The following PRKCE variants were observed in gnomAD, a reference collection of about 807,000 sequenced individuals.
PRKCE encodes the protein protein kinase C epsilon type.
Under a neutral mutation model 85.4 loss-of-function variants are expected in PRKCE, and 16 were observed. The observed-to-expected ratio is 0.19, with a 90% CI of 0.13 to 0.28. The LOEUF is 0.28. Among genes scored for constraint, PRKCE ranks in the 10% least tolerant of loss-of-function variants. PRKCE has a pLI of 1.00. For missense variants in PRKCE, 573 were observed against 975.2 expected (o/e 0.59, Z 5.49); for synonymous variants, 388 against 371.5 (o/e 1.04, Z -0.51).
chr2:45,996,346 C>CT (rs1704215600), intron 6 of PRKCE, among the ~76,000 whole-genome samples: 1 of 152,042 alleles, frequency 6.6e-6, no homozygotes, highest in Non-Finnish European at 1.5e-5. Flanking sequence ...AATCAGTATA[C>CT]TTTTTATTTC....
intron 1 of PRKCE, among the ~76,000 whole-genome samples, chr2:45,823,266 A>G (rs954841524): frequency 4.6e-5 from 7 of 152,214 alleles, no homozygotes; most frequent in Admixed American, 2.0e-4. Context: ...TGCTACTTCA[A>G]ACGACACACC....
chr2:45,740,855 A>G (rs1372704847), intron 1 of PRKCE, among the ~76,000 whole-genome samples: 1 of 152,260 alleles, frequency 6.6e-6, no homozygotes, highest in Non-Finnish European at 1.5e-5. Flanking sequence ...ACTGTATAAC[A>G]TGCAGATTAC....
intron 1 of PRKCE, among the ~76,000 whole-genome samples, chr2:45,783,952 G>T (rs1686393114): frequency 6.6e-6 from 1 of 152,344 alleles, no homozygotes; most frequent in African/African-American, 2.4e-5. Context: ...TCCAGGCCAT[G>T]ACTTCGAACT....
chr2:45,771,431 C>T (rs565995337), intron 1 of PRKCE, among the ~76,000 whole-genome samples: 6 of 152,240 alleles, frequency 3.9e-5, no homozygotes, highest in East Asian at 3.9e-4. Context: ...CCCTCTCCAG[C>T]GGGTGGAGAT....
chr2:46,146,136 A>G (rs1020445), intron 12 of PRKCE, among the ~76,000 whole-genome samples: 42,655 of 152,184 alleles, frequency 0.28, 6,255 homozygotes, highest in Middle Eastern at 0.36. Flanking sequence ...TGTTTTGCTC[A>G]GCATGAAGTG....
intron 11 of PRKCE, among the ~76,000 whole-genome samples, chr2:46,097,291 G>T (rs1050465340): frequency 7.9e-5 from 12 of 152,070 alleles, no homozygotes; most frequent in Admixed American, 7.2e-4. Context: ...GGCCGAGGTG[G>T]GTGGATCACA....
rs754754263 is a variant in PRKCE at position 45,774,885 on chromosome 2, C to T, written c.349-68115C>T. Among the ~76,000 whole-genome samples, 7 of 150,730 alleles carry T rather than the reference C, an allele frequency of 4.6e-5. No individual in the cohort carries two copies. The highest frequency in any genetic ancestry group is 7.3e-5 in the African/African-American group (3 of 41,378). On this transcript the variant is annotated intron_variant, in intron 1 of 14. Coordinates refer to ENST00000306156, the MANE Select transcript of PRKCE (RefSeq NM_005400.3). The surrounding 1 kb of genome is among the most constrained non-coding windows in gnomAD (Gnocchi z 4.3). ...CCAAGTCCAGGGTATCACTGTGACC[C>T]GAGGAAGCCCAGTGACACGGTCCCA...
intron 11 of PRKCE, among the ~76,000 whole-genome samples, chr2:46,097,915 AGAG>A (rs1459472357): frequency 1.3e-5 from 2 of 152,132 alleles, no homozygotes; most frequent in Non-Finnish European, 2.9e-5. Context: ...GGAGGAGGAG[AGAG>A]GAGAGCCTGA....
intron 2 of PRKCE, among the ~76,000 whole-genome samples, chr2:45,965,016 T>C (rs1701639477): frequency 6.6e-6 from 1 of 152,238 alleles, no homozygotes; most frequent in South Asian, 2.1e-4. Flanking sequence ...ATGCTAATCT[T>C]GAAATGCCAC....
At chr2:45,778,783 C>T (rs909876798) in intron 1 of PRKCE, among the ~76,000 whole-genome samples, 1 of 152,186 alleles carries the variant, frequency 6.6e-6, no homozygotes, top group Non-Finnish European at 1.5e-5. Flanking sequence ...ACAATACTGC[C>T]ACCTAGTGGG....
chr2:46,154,161 CAG>C (rs1473806050), intron 13 of PRKCE, among the ~76,000 whole-genome samples: 1 of 152,102 alleles, frequency 6.6e-6, no homozygotes, highest in East Asian at 1.9e-4. Flanking sequence ...GAGGACCAGA[CAG>C]GGGAGGGACC....
intron 13 of PRKCE, among the ~76,000 whole-genome samples, chr2:46,157,493 G>A (rs1677329074): frequency 6.6e-6 from 1 of 152,298 alleles, no homozygotes; most frequent in East Asian, 1.9e-4. Context: ...TAAACTGCCT[G>A]CAATGCACAG....
chr2:45,965,051 T>C (rs1404400052), intron 2 of PRKCE, among the ~76,000 whole-genome samples: 1 of 152,230 alleles, frequency 6.6e-6, no homozygotes, highest in East Asian at 1.9e-4. Context: ...TTAGATTACA[T>C]GCAGAATAAA....
chr2:45,656,962 A>C (rs1675407739), intron 1 of PRKCE, among the ~76,000 whole-genome samples: 1 of 152,270 alleles, frequency 6.6e-6, no homozygotes, highest in Non-Finnish European at 1.5e-5. Context: ...TTAGAAGCAG[A>C]GGCTGAATGA....
rs571028835 is a variant in PRKCE at position 46,045,945 on chromosome 2, G to A, written c.1437+35428G>A. ...TAGGCTGTAGGTCTTAACTTACAGTGTGGGGCCCTGGTAGAGGGAACTGAG... is the reference window on the plus strand; with the variant it reads ...TAGGCTGTAGGTCTTAACTTACAGTATGGGGCCCTGGTAGAGGGAACTGAG... On this transcript the variant is annotated intron_variant, in intron 10 of 14. Transcript: ENST00000306156. Among the ~76,000 whole-genome samples the A allele has an allele frequency of 2.8e-4, 43 of 152,286 alleles. 1 individual carries two copies. Among genetic ancestry groups the A allele is most frequent in the African/African-American group, 9.6e-4 (40 of 41,570 alleles).
At chr2:46,143,017 G>C (rs1020319563) in intron 11 of PRKCE, among the ~76,000 whole-genome samples, 1 of 152,212 alleles carries the variant, frequency 6.6e-6, no homozygotes, top group African/African-American at 2.4e-5. Context: ...CAGGAGGGCA[G>C]AGGAGCGCAG....
chr2:45,888,253 C>G (rs2105857942), intron 2 of PRKCE, among the ~76,000 whole-genome samples: 1 of 152,214 alleles, frequency 6.6e-6, no homozygotes, highest in Non-Finnish European at 1.5e-5. Context: ...TGCAACAGCC[C>G]AAGGAGTTCT....
At chr2:45,935,072 C>CACACAG in intron 2 of PRKCE, among the ~76,000 whole-genome samples, 1 of 151,494 alleles carries the variant, frequency 6.6e-6, no homozygotes, top group South Asian at 2.1e-4. Context: ...CTCTCTCACA[C>CACACAG]ACACACACAC....
intron 2 of PRKCE, among the ~76,000 whole-genome samples, chr2:45,860,117 C>T (rs4953277): frequency 0.064 from 9,809 of 152,194 alleles, 441 homozygotes; most frequent in South Asian, 0.22. Context: ...TGTAAGCTCC[C>T]GAGGACAAGA....
Sources: gnomAD v4.1 joint callset for allele counts (sites outside exome capture counted in the v4.1 genomes callset) on GRCh38, gnomAD v4.1.1 for gene constraint, Gnocchi (gnomAD v3.1) non-coding constraint, MANE v1.5 for transcripts, NCBI Gene and HGNC (gene_info 2026-07-23, HGNC 2026-07-21) for gene names.